Variants in ACAP2 observed in about 807,000 individuals in gnomAD.
ACAP2 encodes the protein ArfGAP with coiled-coil, ankyrin repeat and PH domains 2.
ACAP2 carries 39 observed loss-of-function variants against 115.8 expected under a neutral mutation model. That is an observed-to-expected ratio of 0.34 (90% CI 0.26 to 0.44). The LOEUF is 0.44. Ranked by LOEUF, ACAP2 falls within the 20% of genes least tolerant of loss-of-function variation. ACAP2 has a pLI of 1.00. For synonymous variants in ACAP2, 289 were observed against 315.8 expected (o/e 0.92, Z 0.90); for missense variants, 662 against 927.6 (o/e 0.71, Z 3.72).
At chr3:195,356,927 CCTT>C (rs1010444599) in intron 4 of ACAP2, among the ~76,000 whole-genome samples, 2 of 151,730 alleles carry the variant, frequency 1.3e-5, no homozygotes, top group African/African-American at 4.8e-5. Context: ...AGGAAAGACT[CCTT>C]CTGCTTGAGA....
At chr3:195,290,857 A>AAAT (rs1204125292) in intron 20 of ACAP2, among the ~76,000 whole-genome samples, 10 of 147,696 alleles carry the variant, frequency 6.8e-5, no homozygotes, top group African/African-American at 1.7e-4. Flanking sequence ...AATAATAAAT[A>AAAT]AATAAATAAA....
chr3:195,337,386 C>G (rs1049221872), intron 6 of ACAP2, among the ~76,000 whole-genome samples: 4 of 151,536 alleles, frequency 2.6e-5, no homozygotes, highest in Non-Finnish European at 5.9e-5. Context: ...ATGAATTAGT[C>G]TCTTCTCTGC....
rs200714988 is a variant in ACAP2 at position 195,345,140 on chromosome 3, CAAACA to C, written c.344+114_344+118del. 2.7e-3 allele frequency: 2,038 copies of C among 746,156 alleles called. 3 individuals carry two copies. Among genetic ancestry groups the C allele is most frequent in the Middle Eastern group, 0.011 (35 of 3,116 alleles). The allele number at this position is 746,156 out of a possible 1,614,324, so 46.2% of individuals were successfully genotyped here. Reference sequence around the variant, plus strand: ...GAAATGCAGCATGCATTTCACAAAGCAAACAAAATGTCAATATTTTCAATAATTCA... The same window carrying C: ...GAAATGCAGCATGCATTTCACAAAGCAAATGTCAATATTTTCAATAATTCA... On this transcript the variant is annotated intron_variant, in intron 5 of 22. Coordinates refer to ENST00000326793, the MANE Select transcript of ACAP2 (RefSeq NM_012287.6).
chr3:195,297,118 T>C (rs1354466507), intron 16 of ACAP2, 72 bp downstream of exon 16: 4 of 1,320,910 alleles, frequency 3.0e-6, no homozygotes, highest in Non-Finnish European at 3.2e-6. Context: ...CAATGTTATA[T>C]ATCAATTACT....
intron 22 of ACAP2, among the ~76,000 whole-genome samples, chr3:195,283,401 T>C (rs1726636581): frequency 6.6e-6 from 1 of 152,178 alleles, no homozygotes; most frequent in Admixed American, 6.5e-5. Context: ...AAATCAGTGA[T>C]TGCCAAAGAT....
intron 4 of ACAP2, among the ~76,000 whole-genome samples, chr3:195,359,349 G>A (rs1355098344): frequency 1.3e-5 from 2 of 152,160 alleles, no homozygotes; most frequent in Admixed American, 6.5e-5. Flanking sequence ...TAATAGAAAG[G>A]TGAAAAGATA....
At chr3:195,294,865 A>G (rs1340143623) in intron 17 of ACAP2, 54 bp from the exon 18 acceptor site, 2 of 1,167,248 alleles carry the variant, frequency 1.7e-6, no homozygotes, top group Non-Finnish European at 2.5e-6. Context: ...TTAGAAAACA[A>G]TCTCCCACAA....
At chr3:195,427,418 T>C (rs531915635) in intron 1 of ACAP2, among the ~76,000 whole-genome samples, 63 of 152,184 alleles carry the variant, frequency 4.1e-4, no homozygotes, top group African/African-American at 1.5e-3. Flanking sequence ...ACAAAGGTGA[T>C]ACCTTCTCGG....
intron 2 of ACAP2, among the ~76,000 whole-genome samples, chr3:195,384,605 T>C (rs1012710381): frequency 6.6e-6 from 1 of 152,096 alleles, no homozygotes; most frequent in Non-Finnish European, 1.5e-5. Context: ...TGCGCACCTG[T>C]AGTCCCAGCT....
chr3:195,391,354 C>G (rs556246340), intron 2 of ACAP2, among the ~76,000 whole-genome samples: 1 of 151,680 alleles, frequency 6.6e-6, no homozygotes, highest in Non-Finnish European at 1.5e-5. Context: ...CTCAGCCTCC[C>G]GAGTAGCTAG....
Position 195,301,656 on chromosome 3 carries a change from AAAG to A in ACAP2, c.1326-15_1326-13del. On this transcript the variant is annotated splice_polypyrimidine_tract_variant and intron_variant, in intron 14 of 22. Coordinates refer to ENST00000326793, the MANE Select transcript of ACAP2 (RefSeq NM_012287.6). ...GAACCCCAAGGCTCCTAAGTGGAAA[AAAG>A]AAGACTGCATTACTATCAAGTCTCT... 10 of 1,608,262 alleles carry A rather than the reference AAAG, an allele frequency of 6.2e-6. No individual in the cohort carries two copies. The highest frequency in any genetic ancestry group is 1.7e-4 in the Middle Eastern group (1 of 6,042).
At chr3:195,427,380 C>A (rs1714763346) in intron 1 of ACAP2, among the ~76,000 whole-genome samples, 1 of 151,648 alleles carries the variant, frequency 6.6e-6, no homozygotes, top group South Asian at 2.1e-4. Flanking sequence ...GCTATAACGG[C>A]AATAAAAAGC....
intron 4 of ACAP2, among the ~76,000 whole-genome samples, chr3:195,372,346 T>A (rs1284113558): frequency 6.6e-6 from 1 of 152,194 alleles, no homozygotes; most frequent in African/African-American, 2.4e-5. Context: ...TCAAAACTTT[T>A]TCATTCTGAG....
chr3:195,421,028 T>C (rs1714150544), intron 1 of ACAP2, among the ~76,000 whole-genome samples: 1 of 152,184 alleles, frequency 6.6e-6, no homozygotes, highest in African/African-American at 2.4e-5. Context: ...AACTATGCCT[T>C]GCCTTTTTAA....
intron 6 of ACAP2, among the ~76,000 whole-genome samples, chr3:195,340,678 A>C (rs1325192541): frequency 6.6e-6 from 1 of 152,204 alleles, no homozygotes. Context: ...CACTGCAGTA[A>C]AACAGAATAG....
At chr3:195,351,621 C>T (rs1174607823) in intron 4 of ACAP2, among the ~76,000 whole-genome samples, 6 of 151,792 alleles carry the variant, frequency 4.0e-5, no homozygotes, top group African/African-American at 1.2e-4. Flanking sequence ...CCCACCACCA[C>T]GCCCAGCTAA....
rs184982633 is a variant in ACAP2, at chr3:195,400,127, A to G, written c.54-7980T>C. 1.1e-3 allele frequency among the ~76,000 whole-genome samples: 173 copies of G among 152,036 alleles called. 4 individuals carry two copies. The highest frequency in any genetic ancestry group is 0.011 in the Admixed American group (167 of 15,264). ...TGGGAGCCAAAGGTTGTGGTGAGCC[A>G]AGATCGCACCATTGCACTCCAGCCT... On this transcript the variant is annotated intron_variant, in intron 1 of 22. Transcript: ENST00000326793.
intron 21 of ACAP2, among the ~76,000 whole-genome samples, chr3:195,288,320 G>C (rs973686925): frequency 7.9e-5 from 12 of 152,144 alleles, no homozygotes; most frequent in African/African-American, 2.9e-4. Flanking sequence ...CTTCCTCAGA[G>C]TTGTTGTGAG....
intron 4 of ACAP2, among the ~76,000 whole-genome samples, chr3:195,370,677 G>A (rs1733067031): frequency 6.6e-6 from 1 of 152,142 alleles, no homozygotes; most frequent in Non-Finnish European, 1.5e-5. Flanking sequence ...TGGGCCAGGT[G>A]TGGTGACTCA....
Sources: allele counts gnomAD v4.1 joint callset (sites outside exome capture counted in the v4.1 genomes callset), GRCh38; gene constraint gnomAD v4.1.1; transcripts MANE v1.5; gene names NCBI Gene and HGNC (gene_info 2026-07-23, HGNC 2026-07-21).